HIVEP3: variants seen among roughly 807,000 people sequenced by gnomAD.
The protein encoded by HIVEP3 is HIVEP zinc finger 3.
A neutral mutation model predicts 152.8 loss-of-function variants in HIVEP3; 49 were observed. That is an observed-to-expected ratio of 0.32 (90% CI 0.26 to 0.41). The LOEUF is 0.41. Among genes scored for constraint, HIVEP3 ranks in the 10% least tolerant of loss-of-function variants. The pLI, the probability that HIVEP3 is intolerant of heterozygous loss-of-function variation, is 1.00. For synonymous variants in HIVEP3, 1,269 were observed against 1,289.0 expected (o/e 0.98, Z 0.33); for missense variants, 2,790 against 3,103.3 (o/e 0.90, Z 2.40).
chr1:41,545,927 T>G (rs1252246491), intron 5 of HIVEP3, among the ~76,000 whole-genome samples: 2 of 151,980 alleles, frequency 1.3e-5, no homozygotes. Flanking sequence ...AAGCTGACAG[T>G]TGGAAAATGC....
chr1:41,937,894 T>TGCCAGCAC (rs546483795), intron 1 of HIVEP3, among the ~76,000 whole-genome samples: 123 of 152,346 alleles, frequency 8.1e-4, no homozygotes, highest in African/African-American at 2.9e-3. Context: ...CACTTGTTCA[T>TGCCAGCAC]GCCAGCACCT....
intron 2 of HIVEP3, among the ~76,000 whole-genome samples, chr1:41,655,551 C>T (rs1645615667): frequency 7.3e-6 from 1 of 136,554 alleles, no homozygotes; most frequent in Non-Finnish European, 1.5e-5. Flanking sequence ...CCATTGCACT[C>T]CAGCCTGAGT....
rs1642497985 is a variant in HIVEP3, at chr1:41,513,328, G to C, written c.5893C>G (p.Pro1965Ala). The C allele has an allele frequency of 6.2e-7, 1 of 1,613,014 alleles. No homozygotes were observed. Among genetic ancestry groups the C allele is most frequent in the South Asian group, 1.1e-5 (1 of 91,076 alleles). Residue 1965 changes from proline (P) to alanine (A), a missense_variant, in exon 8 of 9, where the codon CCA becomes GCA. By Grantham distance (27) the Pro-to-Ala change is conservative. This residue lies in a region of HIVEP3 where 816 missense variants were observed against 806.5 expected (regional missense o/e 1.01). Coordinates refer to ENST00000372583, the MANE Select transcript of HIVEP3 (RefSeq NM_024503.5). ...TTGCTTGGGGACCACGGTCTTCTTGGGGACACAGGCTTGTAGCTCAAGGCT... is the reference window on the plus strand; with the variant it reads ...TTGCTTGGGGACCACGGTCTTCTTGCGGACACAGGCTTGTAGCTCAAGGCT... ...GSALSYKPVS[P>A]RRPWSPSKEA...
In HIVEP3 at chr1:41,662,154, G is replaced by C. The variant is rs1645723525; in HGVS notation, c.-720-33207C>G. ...CTTACCTGCGGGCGGCCGAGGCTCC[G>C]CTGCTCTGGGCTGGGCTGCGCCGCG... is the stretch of plus-strand genomic sequence containing the variant. On this transcript the variant is annotated intron_variant, in intron 2 of 8. Transcript: ENST00000372583. This position sits in a 1 kb window ranked among gnomAD's most constrained non-coding sequence, Gnocchi z 7.2. The C allele has an allele frequency of 6.7e-6, 1 of 148,824 alleles. No homozygotes were observed. The allele number at this position is 148,824 out of a possible 1,614,324, so 9.2% of individuals were successfully genotyped here. A position where few individuals can be genotyped will look rare whatever the true frequency, so the allele number is the denominator to read the frequency against.
intron 1 of HIVEP3, among the ~76,000 whole-genome samples, chr1:41,704,453 G>A (rs938726519): frequency 2.5e-4 from 38 of 152,342 alleles, no homozygotes; most frequent in African/African-American, 8.2e-4. Flanking sequence ...CCTTGCAAGC[G>A]CCAGTGCCAG....
intron 1 of HIVEP3, among the ~76,000 whole-genome samples, chr1:41,748,906 G>A (rs1284274860): frequency 6.6e-6 from 1 of 152,188 alleles, no homozygotes; most frequent in Non-Finnish European, 1.5e-5. Flanking sequence ...ACTCTCAGGG[G>A]AGCAGTGCAC....
chr1:41,676,011 G>A (rs1239825369), intron 2 of HIVEP3, among the ~76,000 whole-genome samples: 5 of 152,012 alleles, frequency 3.3e-5, no homozygotes, highest in Non-Finnish European at 7.4e-5. Context: ...ACATCACCCC[G>A]CTTCCCCTCG....
intron 1 of HIVEP3, among the ~76,000 whole-genome samples, chr1:41,875,071 G>T (rs1379711288): frequency 2.6e-5 from 4 of 152,260 alleles, no homozygotes; most frequent in Admixed American, 2.0e-4. Flanking sequence ...ACAGCAAATA[G>T]GCTTCTGCCC....
intron 1 of HIVEP3, among the ~76,000 whole-genome samples, chr1:41,718,409 T>C (rs1374512320): frequency 6.6e-6 from 1 of 152,252 alleles, no homozygotes; most frequent in African/African-American, 2.4e-5. Context: ...CCTCAAATGG[T>C]TGTCGTGAGA....
chr1:41,575,642 A>G lies in HIVEP3; in HGVS notation c.5109T>C (p.Ala1703=). The change falls in exon 5 of 9, where the codon GCT becomes GCC. Residue 1703 remains alanine, a synonymous_variant. Transcript: ENST00000372583. ...TCCTCTCTTCTTCCTTCTCCACTCT[A>G]GCTAGATCTTTCTGGCCTTCCGGGG... ...LVSPEGQKDL[A]RVEKEEERRG... The G allele has an allele frequency of 6.2e-7, 1 of 1,614,004 alleles. No individual in the cohort carries two copies. The highest frequency in any genetic ancestry group is 8.5e-7 in the Non-Finnish European group (1 of 1,179,978).
At chr1:41,831,993 A>C (rs1205605710) in intron 1 of HIVEP3, among the ~76,000 whole-genome samples, 2 of 152,200 alleles carry the variant, frequency 1.3e-5, no homozygotes, top group Admixed American at 1.3e-4. Context: ...GTCAGGGTCT[A>C]GAGCGTTGCC....
At chr1:41,628,146 T>C (rs922569758) in intron 3 of HIVEP3, among the ~76,000 whole-genome samples, 2 of 152,208 alleles carry the variant, frequency 1.3e-5, no homozygotes, top group African/African-American at 4.8e-5. Context: ...TTGATCACTA[T>C]TTCGGGAGCT....
At chr1:41,692,225 C>T (rs956546628) in intron 2 of HIVEP3, among the ~76,000 whole-genome samples, 12 of 152,220 alleles carry the variant, frequency 7.9e-5, no homozygotes, top group Non-Finnish European at 1.6e-4. Flanking sequence ...AGTTTCAGAT[C>T]CCATATGGTA....
At chr1:41,708,959 C>T (rs12086915) in intron 1 of HIVEP3, among the ~76,000 whole-genome samples, 18,457 of 152,160 alleles carry the variant, frequency 0.12, 3,726 homozygotes, top group African/African-American at 0.42. Context: ...TTCTGGTCAG[C>T]GGGGTAAATT....
chr1:41,576,766 ACTGGG>A (rs1644333234), intron 4 of HIVEP3, among the ~76,000 whole-genome samples: 1 of 152,184 alleles, frequency 6.6e-6, no homozygotes, highest in Non-Finnish European at 1.5e-5. Flanking sequence ...GCCATGGCAC[ACTGGG>A]CTGCCGTTTG....
At chr1:41,532,886 C>A (rs960978200) in intron 5 of HIVEP3, among the ~76,000 whole-genome samples, 1 of 152,128 alleles carries the variant, frequency 6.6e-6, no homozygotes. Flanking sequence ...GAGGGTAGTG[C>A]CGACGGCAGA....
chr1:41,730,572 C>A (rs572008839), intron 1 of HIVEP3, among the ~76,000 whole-genome samples: 29 of 152,366 alleles, frequency 1.9e-4, no homozygotes, highest in African/African-American at 6.7e-4. Flanking sequence ...ACCAGGGGCA[C>A]GCTGCAAATG....
chr1:41,731,226 G>C (rs1646834402), intron 1 of HIVEP3, among the ~76,000 whole-genome samples: 1 of 152,122 alleles, frequency 6.6e-6, no homozygotes, highest in Non-Finnish European at 1.5e-5. Context: ...GAGGTGCTGG[G>C]TTCTAATACT....
intron 1 of HIVEP3, among the ~76,000 whole-genome samples, chr1:41,950,737 T>C (rs1481545113): frequency 6.6e-6 from 1 of 152,220 alleles, no homozygotes; most frequent in Admixed American, 6.5e-5. Context: ...AAGAGATATG[T>C]GGGAACTCTC....
Sources: allele counts gnomAD v4.1 joint callset (sites outside exome capture counted in the v4.1 genomes callset), GRCh38; gene constraint gnomAD v4.1.1; regional missense constraint gnomAD v4.1.1; non-coding constraint Gnocchi (gnomAD v3.1); transcripts MANE v1.5; gene names NCBI Gene and HGNC (gene_info 2026-07-23, HGNC 2026-07-21).